Variants in GRIK2 observed in about 807,000 individuals in gnomAD.
GRIK2 encodes the protein glutamate ionotropic receptor kainate type subunit 2.
Under a neutral mutation model 100.3 loss-of-function variants are expected in GRIK2, and 32 were observed. That is an observed-to-expected ratio of 0.32 (90% CI 0.24 to 0.43). The LOEUF (loss-of-function observed/expected upper bound fraction) is 0.43, where lower values mean the gene tolerates loss of function less well. GRIK2 is among the 20% of genes least tolerant of loss of function. The probability of loss-of-function intolerance (pLI) is 1.00; values close to 1 mark genes in which losing one functional copy is unlikely to be tolerated. For synonymous variants in GRIK2, 417 were observed against 389.4 expected (o/e 1.07, Z -0.83); for missense variants, 843 against 1,114.9 (o/e 0.76, Z 3.47).
chr6:101,798,586 T>A (rs957976313), intron 7 of GRIK2, among the ~76,000 whole-genome samples: 4 of 152,074 alleles, frequency 2.6e-5, no homozygotes, highest in Non-Finnish European at 5.9e-5. Flanking sequence ...CTGTGTATAC[T>A]CATTTTGTAT....
intron 2 of GRIK2, among the ~76,000 whole-genome samples, chr6:101,411,025 T>A (rs1358183246): frequency 6.6e-6 from 1 of 152,034 alleles, no homozygotes; most frequent in Non-Finnish European, 1.5e-5. Flanking sequence ...GCAGAGCGGA[T>A]GTTGGAATAT....
At chr6:101,504,744 T>TA (rs1368056403) in intron 2 of GRIK2, among the ~76,000 whole-genome samples, 1 of 151,996 alleles carries the variant, frequency 6.6e-6, no homozygotes, top group South Asian at 2.1e-4. Context: ...AGATAACATA[T>TA]AAAAAAATAA....
chr6:101,629,162 G>A (rs1345273978), intron 4 of GRIK2, among the ~76,000 whole-genome samples: 2 of 152,020 alleles, frequency 1.3e-5, no homozygotes, highest in Admixed American at 6.6e-5. Flanking sequence ...TTATTAAAAT[G>A]CTTACTATTT....
chr6:101,566,480 T>G (rs1378560966), intron 2 of GRIK2, among the ~76,000 whole-genome samples: 1 of 148,360 alleles, frequency 6.7e-6, no homozygotes, highest in Non-Finnish European at 1.5e-5. Context: ...TTTAAATTTC[T>G]AAATATTTAA....
intron 10 of GRIK2, among the ~76,000 whole-genome samples, chr6:101,839,400 C>CT (rs1783358205): frequency 6.6e-6 from 1 of 152,132 alleles, no homozygotes; most frequent in Admixed American, 6.6e-5. Flanking sequence ...ATGAATAACT[C>CT]TAAGTAGTCT....
At chr6:101,479,703 T>C (rs1161985150) in intron 2 of GRIK2, among the ~76,000 whole-genome samples, 1 of 152,192 alleles carries the variant, frequency 6.6e-6, no homozygotes, top group Non-Finnish European at 1.5e-5. Flanking sequence ...GGTTTTGTTA[T>C]TGGGGATTTG....
chr6:101,769,397 G>A (rs1478555149), intron 7 of GRIK2, among the ~76,000 whole-genome samples: 1 of 152,154 alleles, frequency 6.6e-6, no homozygotes, highest in Non-Finnish European at 1.5e-5. Context: ...AAGTGGAGGA[G>A]TTTAGAGTCA....
chr6:101,689,192 G>A (rs1321300811), intron 7 of GRIK2, among the ~76,000 whole-genome samples: 1 of 151,996 alleles, frequency 6.6e-6, no homozygotes, highest in Non-Finnish European at 1.5e-5. Context: ...AAGAATTATA[G>A]CCTGGCATTG....
intron 14 of GRIK2, among the ~76,000 whole-genome samples, chr6:102,034,376 A>G (rs915965968): frequency 9.9e-5 from 15 of 151,388 alleles, no homozygotes; most frequent in Non-Finnish European, 2.1e-4. Context: ...AAAATATTCC[A>G]TATCTATTTG....
At chr6:101,492,002 A>G (rs1298366167) in intron 2 of GRIK2, among the ~76,000 whole-genome samples, 1 of 151,916 alleles carries the variant, frequency 6.6e-6, no homozygotes, top group South Asian at 2.1e-4. Flanking sequence ...ATTGCATCTC[A>G]TCGAGAGGTA....
intron 15 of GRIK2, among the ~76,000 whole-genome samples, chr6:102,048,825 GTAATA>G (rs1344041496): frequency 6.6e-6 from 1 of 151,902 alleles, no homozygotes; most frequent in Non-Finnish European, 1.5e-5. Context: ...TATACAGCAT[GTAATA>G]TAATATAATT....
intron 7 of GRIK2, among the ~76,000 whole-genome samples, chr6:101,692,932 C>G (rs1772211497): frequency 6.6e-6 from 1 of 151,996 alleles, no homozygotes; most frequent in Admixed American, 6.6e-5. Flanking sequence ...GGTAAAAGGA[C>G]ATGGAGCATG....
chr6:101,909,477 TAGTCA>T (rs938994067), intron 12 of GRIK2, among the ~76,000 whole-genome samples: 9 of 148,500 alleles, frequency 6.1e-5, no homozygotes, highest in African/African-American at 2.0e-4. Context: ...GTGAAGTAGA[TAGTCA>T]AGCTTGAGAT....
intron 2 of GRIK2, among the ~76,000 whole-genome samples, chr6:101,420,612 C>G (rs9498584): frequency 0.022 from 3,383 of 152,110 alleles, 143 homozygotes; most frequent in African/African-American, 0.078. Context: ...CCGAACAGGA[C>G]CTTTAGGTGA....
At chr6:101,454,233 T>C (rs1193615222) in intron 2 of GRIK2, among the ~76,000 whole-genome samples, 2 of 152,140 alleles carry the variant, frequency 1.3e-5, no homozygotes, top group African/African-American at 2.4e-5. Context: ...TTCTTTTTAC[T>C]TTCCGTCAAG....
chr6:101,529,009 C>A (rs1373493550), intron 2 of GRIK2, among the ~76,000 whole-genome samples: 1 of 152,054 alleles, frequency 6.6e-6, no homozygotes, highest in East Asian at 1.9e-4. Flanking sequence ...AAAATCCATG[C>A]CTTTCACTCT....
At chr6:101,598,337 G>A (rs1318129025) in intron 2 of GRIK2, among the ~76,000 whole-genome samples, 4 of 151,376 alleles carry the variant, frequency 2.6e-5, no homozygotes, top group African/African-American at 2.4e-5. Flanking sequence ...CTCATCCTGC[G>A]GGCAACACCA....
At chr6:102,036,230 AACACACACACAC>A (rs775417100) in intron 15 of GRIK2, among the ~76,000 whole-genome samples, 7 of 146,214 alleles carry the variant, frequency 4.8e-5, no homozygotes, top group Non-Finnish European at 9.1e-5. Flanking sequence ...GCCGTAAGTA[AACACACACACAC>A]ACACACACAC....
chr6:101,525,604 T>C (rs552004490), intron 2 of GRIK2, among the ~76,000 whole-genome samples: 1 of 152,296 alleles, frequency 6.6e-6, no homozygotes, highest in East Asian at 1.9e-4. Context: ...ATTCTTGAAT[T>C]TTAGGTAAGA....
Sources: allele counts gnomAD v4.1 joint callset (sites outside exome capture counted in the v4.1 genomes callset), GRCh38; gene constraint gnomAD v4.1.1; transcripts MANE v1.5; gene names NCBI Gene and HGNC (gene_info 2026-07-23, HGNC 2026-07-21).